The following KCNH8 variants were observed in gnomAD, a reference collection of about 807,000 sequenced individuals.
KCNH8 encodes the protein potassium voltage-gated channel subfamily H member 8, also known as voltage-gated delayed rectifier potassium channel KCNH8.
Under a neutral mutation model 103.6 loss-of-function variants are expected in KCNH8, and 70 were observed. That is an observed-to-expected ratio of 0.68 (90% CI 0.56 to 0.82). KCNH8 has a LOEUF of 0.82. KCNH8 is among the 40% of genes least tolerant of loss of function. KCNH8 has a pLI of 0.00. For synonymous variants in KCNH8, 498 were observed against 489.4 expected, an observed-to-expected ratio of 1.02 and a Z score of -0.23; for missense variants, 1,217 against 1,329.9, an observed-to-expected ratio of 0.92 and a Z score of 1.32.
chr3:19,320,002 T>G (rs1322781244), intron 3 of KCNH8, among the ~76,000 whole-genome samples: 2 of 152,060 alleles, frequency 1.3e-5, no homozygotes, highest in African/African-American at 4.8e-5. Flanking sequence ...TTGTGTACAT[T>G]AATTTTGTAT....
chr3:19,222,373 A>G (rs1172683147), intron 1 of KCNH8, among the ~76,000 whole-genome samples: 8 of 152,224 alleles, frequency 5.3e-5, no homozygotes, highest in Non-Finnish European at 8.8e-5. Flanking sequence ...TATAATAGAT[A>G]CTTCGGTGAA....
intron 3 of KCNH8, among the ~76,000 whole-genome samples, chr3:19,333,425 T>C (rs542061319): frequency 6.6e-6 from 1 of 152,182 alleles, no homozygotes; most frequent in Non-Finnish European, 1.5e-5. Flanking sequence ...ATGGTAAGAA[T>C]ACAAAGCTGA....
chr3:19,353,014 A>G (rs947497567), intron 5 of KCNH8, among the ~76,000 whole-genome samples: 1 of 152,138 alleles, frequency 6.6e-6, no homozygotes, highest in Non-Finnish European at 1.5e-5. Flanking sequence ...GAAAAGAGAG[A>G]AGAATTGAAT....
intron 11 of KCNH8, among the ~76,000 whole-genome samples, chr3:19,475,507 CCTT>C (rs2067955173): frequency 6.6e-6 from 1 of 152,136 alleles, no homozygotes; most frequent in Admixed American, 6.5e-5. Flanking sequence ...ATTGATTCAC[CCTT>C]CTTCCCACAA....
At chr3:19,446,056 A>C (rs1033420880) in intron 8 of KCNH8, among the ~76,000 whole-genome samples, 1 of 152,082 alleles carries the variant, frequency 6.6e-6, no homozygotes, top group African/African-American at 2.4e-5. Context: ...AGAAAAATAA[A>C]ATTACACAGT....
rs761421443 is a variant in KCNH8 at position 19,253,743 on chromosome 3, G to A, written c.166G>A (p.Ala56Thr). ...TGGCTTCTGCGAGCTTGCTGGATTT[G>A]CCCGAACTGAAGTCATGCAGAAGAG... Reference protein sequence around the residue: ...SDGFCELAGFARTEVMQKSCS... With the variant: ...SDGFCELAGFTRTEVMQKSCS... Residue 56 changes from alanine (A) to threonine (T), a missense_variant, in exon 2 of 16, where the codon GCC becomes ACC. Ala to Thr is a moderately conservative substitution (Grantham distance 58). Coordinates refer to ENST00000328405, the MANE Select transcript of KCNH8 (RefSeq NM_144633.3). 20 of 1,613,786 alleles carry A rather than the reference G, an allele frequency of 1.2e-5. No homozygotes were observed. The Admixed American group carries it at 1.8e-4, about 15-fold the overall frequency.
At chr3:19,408,492 C>T (rs1301821061) in intron 7 of KCNH8, among the ~76,000 whole-genome samples, 2 of 152,080 alleles carry the variant, frequency 1.3e-5, no homozygotes, top group African/African-American at 2.4e-5. Flanking sequence ...ACTGCACTAG[C>T]TCCCCTGCAA....
At chr3:19,209,213 T>A (rs1353115637) in intron 1 of KCNH8, among the ~76,000 whole-genome samples, 1 of 152,076 alleles carries the variant, frequency 6.6e-6, no homozygotes, top group African/African-American at 2.4e-5. Flanking sequence ...GCTTTGGCAA[T>A]AGCTTTTAAA....
chr3:19,193,680 A>C (rs185346871), intron 1 of KCNH8, among the ~76,000 whole-genome samples: 4 of 151,890 alleles, frequency 2.6e-5, no homozygotes, highest in Admixed American at 2.0e-4. Context: ...AATTAGGCTT[A>C]AAAACTTTCA....
chr3:19,464,867 T>C (rs554237948), intron 11 of KCNH8, among the ~76,000 whole-genome samples: 1 of 152,292 alleles, frequency 6.6e-6, no homozygotes, highest in African/African-American at 2.4e-5. Flanking sequence ...GACATCATCA[T>C]CTACTCTATT....
At chr3:19,479,113 C>G (rs1385438413) in intron 11 of KCNH8, among the ~76,000 whole-genome samples, 2 of 152,236 alleles carry the variant, frequency 1.3e-5, no homozygotes, top group East Asian at 3.9e-4. Flanking sequence ...ACCCAACCTC[C>G]TAAGTGGGTT....
At chr3:19,170,871 G>C (rs2063342042) in intron 1 of KCNH8, among the ~76,000 whole-genome samples, 1 of 145,956 alleles carries the variant, frequency 6.9e-6, no homozygotes, top group Non-Finnish European at 1.5e-5. Flanking sequence ...GTGCAGTGGC[G>C]CAAAATATCG....
Position 19,533,868 on chromosome 3 carries a change from ATCT to A in KCNH8, c.3097_3099del (p.Ser1033del). 1 of 1,614,118 alleles carries A rather than the reference ATCT, an allele frequency of 6.2e-7. No individual in the cohort carries two copies. Among genetic ancestry groups the A allele is most frequent in the East Asian group, 2.2e-5 (1 of 44,878 alleles). On this transcript the variant is annotated inframe_deletion, in exon 16 of 16. Transcript: ENST00000328405. ...TGCAGTCCATTTCAGCAACTCTCTC[ATCT>A]TCTGTCTGCTCCTCTTCGGAAACAT...
At chr3:19,433,202 C>A (rs1214655385) in intron 7 of KCNH8, among the ~76,000 whole-genome samples, 1 of 152,120 alleles carries the variant, frequency 6.6e-6, no homozygotes, top group East Asian at 1.9e-4. Flanking sequence ...TAGTTTAATA[C>A]AAGTGGCACA....
intron 3 of KCNH8, among the ~76,000 whole-genome samples, chr3:19,311,025 C>T (rs377082263): frequency 7.9e-5 from 12 of 151,900 alleles, no homozygotes; most frequent in Admixed American, 3.9e-4. Context: ...GTGTTCCTAG[C>T]AACCAGAAGG....
intron 5 of KCNH8, among the ~76,000 whole-genome samples, chr3:19,351,985 G>A (rs989936308): frequency 6.6e-6 from 1 of 152,072 alleles, no homozygotes; most frequent in Non-Finnish European, 1.5e-5. Flanking sequence ...CTGTATTCAG[G>A]AGACCCATCT....
chr3:19,527,380 G>GCTT (rs1456048697), intron 15 of KCNH8, among the ~76,000 whole-genome samples: 1 of 151,996 alleles, frequency 6.6e-6, no homozygotes, highest in African/African-American at 2.4e-5. Context: ...TCTCTACCAA[G>GCTT]CTTAGTGCCT....
chr3:19,184,912 A>G (rs549819674), intron 1 of KCNH8, among the ~76,000 whole-genome samples: 2 of 152,104 alleles, frequency 1.3e-5, no homozygotes, highest in South Asian at 4.1e-4. Flanking sequence ...TTCATGTAAC[A>G]TAACATTTTG....
intron 5 of KCNH8, among the ~76,000 whole-genome samples, chr3:19,362,715 G>C (rs2065962838): frequency 6.6e-6 from 1 of 152,178 alleles, no homozygotes; most frequent in Non-Finnish European, 1.5e-5. Context: ...GCAGGCTGGA[G>C]TGCAGTGGCA....
Sources: gnomAD v4.1 joint callset for allele counts (sites outside exome capture counted in the v4.1 genomes callset) on GRCh38, gnomAD v4.1.1 for gene constraint, MANE v1.5 for transcripts, NCBI Gene and HGNC (gene_info 2026-07-23, HGNC 2026-07-21) for gene names.